The following CELF2 variants were observed in gnomAD, a reference collection of about 807,000 sequenced individuals.
The protein encoded by CELF2 is CUGBP Elav-like family member 2, also known as CUG triplet repeat RNA-binding protein 2.
In CELF2, 8 loss-of-function variants were observed where a neutral mutation model predicts 62.6. The ratio of observed to expected loss-of-function variants is 0.13; its 90% CI spans 0.07 to 0.23. The LOEUF (loss-of-function observed/expected upper bound fraction) is 0.23, where lower values mean the gene tolerates loss of function less well. Among genes scored for constraint, CELF2 ranks in the 10% least tolerant of loss-of-function variants. The probability of loss-of-function intolerance (pLI) is 1.00; values close to 1 mark genes in which losing one functional copy is unlikely to be tolerated. For missense variants in CELF2, 333 were observed against 671.0 expected (o/e 0.50, Z 5.56); for synonymous variants, 258 against 250.0 (o/e 1.03, Z -0.30).
chr10:11,159,526 T>A lies in CELF2; in HGVS notation c.75-5960T>A, dbSNP rs2065232798. On this transcript the variant is annotated intron_variant, in intron 1 of 12. Transcript: ENST00000633077. The surrounding 1 kb of genome is among the most constrained non-coding windows in gnomAD (Gnocchi z 5.0). The stretch of plus-strand genomic sequence containing the variant: ...GCATGGACAGGGCGCCTCCTGAGGG[T>A]AGGGCCTGAGTTTCTGATGTGTTCT... 6.6e-6 allele frequency among the ~76,000 whole-genome samples: 1 copy of A among 152,182 alleles called. No individual in the cohort carries two copies. The highest frequency in any genetic ancestry group is 2.1e-4 in the South Asian group (1 of 4,834).
In CELF2 at chr10:11,285,049, G is replaced by T. The variant is rs1205801452; in HGVS notation, c.842-3369G>T. Among the ~76,000 whole-genome samples the T allele has an allele frequency of 6.7e-6, 1 of 149,622 alleles. No individual in the cohort carries two copies. Among genetic ancestry groups the T allele is most frequent in the Non-Finnish European group, 1.5e-5 (1 of 67,434 alleles). Reference sequence around the variant, plus strand: ...GGATCTGTGGATGGATAATTAAGTGGATGGATGGATAGTTGGGTGGTTACG... The same window carrying T: ...GGATCTGTGGATGGATAATTAAGTGTATGGATGGATAGTTGGGTGGTTACG... On this transcript the variant is annotated intron_variant, in intron 8 of 12. Transcript: ENST00000633077. This position sits in a 1 kb window ranked among gnomAD's most constrained non-coding sequence, Gnocchi z 4.3.
At chr10:10,501,396 G>A in the CELF2 span, among the ~76,000 whole-genome samples, 52 of 152,112 alleles carry the variant, frequency 3.4e-4, no homozygotes, top group African/African-American at 6.5e-4. Flanking sequence ...TTTGACTTCC[G>A]CGTATCCTCT....
At chr10:11,017,726 G>A (rs2057464250), upstream of CELF2, among the ~76,000 whole-genome samples, 1 of 152,030 alleles carries the variant, frequency 6.6e-6, no homozygotes, top group South Asian at 2.1e-4. The surrounding 1 kb of genome is among the most constrained non-coding windows in gnomAD (Gnocchi z 5.5). Flanking sequence ...GGGGCCCAGG[G>A]GACCCTGAGA....
intron 1 of CELF2, among the ~76,000 whole-genome samples, chr10:11,027,520 CCTTT>C (rs1331124843): frequency 2.0e-5 from 3 of 149,648 alleles, no homozygotes; most frequent in Non-Finnish European, 3.0e-5. Context: ...ACAGAATTTA[CCTTT>C]CTTTCGGGAG....
chr10:10,927,351 A>AACAAAAAC (rs1554884927), intron 2 of CELF2: 15 of 137,694 alleles, frequency 1.1e-4, no homozygotes, highest in African/African-American at 2.5e-4. Flanking sequence ...GACATTAAAA[A>AACAAAAAC]AAAAAAAAAA....
At chr10:11,265,962 C>T (rs1268963027) in intron 5 of CELF2, among the ~76,000 whole-genome samples, 5 of 152,064 alleles carry the variant, frequency 3.3e-5, no homozygotes, top group Non-Finnish European at 7.4e-5. Context: ...AGTAATGGAG[C>T]ATTTGTTTTT....
Position 10,931,969 on chromosome 10 carries a change from T to A in CELF2, c.89+11970T>A, listed in dbSNP as rs558370542. Among the ~76,000 whole-genome samples the A allele has an allele frequency of 6.6e-6, 1 of 151,988 alleles. No individual in the cohort carries two copies. Among genetic ancestry groups the A allele is most frequent in the East Asian group, 1.9e-4 (1 of 5,170 alleles). On this transcript the variant is annotated intron_variant, in intron 2 of 13. Transcript: ENST00000636488. This position sits in a 1 kb window ranked among gnomAD's most constrained non-coding sequence, Gnocchi z 6.1. The stretch of plus-strand genomic sequence containing the variant: ...TTATAAAACCATCACATCTCATGAG[T>A]CTTATTCACTATCATGAGAACAGCA...
At chr10:11,168,910 C>G (rs1282667418) in intron 2 of CELF2, 1 of 152,272 alleles carries the variant, frequency 6.6e-6, no homozygotes, top group African/African-American at 2.4e-5. Flanking sequence ...TAAACTCTCT[C>G]CCACATGAGG....
At chr10:11,143,049 T>TG (rs1364773315) in intron 1 of CELF2, among the ~76,000 whole-genome samples, 3 of 151,704 alleles carry the variant, frequency 2.0e-5, no homozygotes, top group African/African-American at 7.3e-5. Context: ...CTCCCTCCAC[T>TG]GGGGGGACTC....
At chr10:10,929,042 A>T (rs1206184230) in intron 2 of CELF2, among the ~76,000 whole-genome samples, 1 of 152,224 alleles carries the variant, frequency 6.6e-6, no homozygotes, top group Non-Finnish European at 1.5e-5. Flanking sequence ...TCTCCTAAAG[A>T]ACCAGGGGTA....
intron 1 of CELF2, among the ~76,000 whole-genome samples, chr10:11,009,176 G>C (rs1181006412): frequency 6.6e-6 from 1 of 152,118 alleles, no homozygotes; most frequent in East Asian, 1.9e-4. Flanking sequence ...GCTGACATTG[G>C]AAAGAGAGTG....
At chr10:11,176,777 A>G (rs547461775) in intron 2 of CELF2, among the ~76,000 whole-genome samples, 21 of 152,298 alleles carry the variant, frequency 1.4e-4, no homozygotes, top group Admixed American at 3.9e-4. Context: ...GTAAACTACC[A>G]TCAACAAGGC....
At chr10:10,985,901 G>T (rs2052693427) in intron 2 of CELF2, among the ~76,000 whole-genome samples, 1 of 152,314 alleles carries the variant, frequency 6.6e-6, no homozygotes, top group Admixed American at 6.5e-5. Flanking sequence ...TCCAACCATA[G>T]AATAGGCATG....
intron 2 of CELF2, among the ~76,000 whole-genome samples, chr10:10,970,190 T>C (rs1341623120): frequency 6.6e-6 from 1 of 152,132 alleles, no homozygotes; most frequent in Non-Finnish European, 1.5e-5. Context: ...TGCCTCAGCC[T>C]CCCGAATAGC....
chr10:10,690,249 C>A, the CELF2 span, among the ~76,000 whole-genome samples: 13 of 152,116 alleles, frequency 8.5e-5, no homozygotes, highest in Non-Finnish European at 1.2e-4. Flanking sequence ...CATTATGATG[C>A]CCGAATTGCA....
chr10:10,966,758 T>C (rs1592518355), intron 2 of CELF2: 1 of 152,126 alleles, frequency 6.6e-6, no homozygotes, highest in African/African-American at 2.4e-5. Flanking sequence ...CTACAGTAAG[T>C]CAGTGAGTTC....
At chr10:11,130,045 T>C (rs1393882444) in intron 1 of CELF2, among the ~76,000 whole-genome samples, 1 of 152,244 alleles carries the variant, frequency 6.6e-6, no homozygotes, top group Non-Finnish European at 1.5e-5. Flanking sequence ...CTGCTTTAAA[T>C]GTGTCCCAGA....
chr10:11,199,913 G>A (rs1010657104), intron 2 of CELF2, among the ~76,000 whole-genome samples: 17 of 152,122 alleles, frequency 1.1e-4, no homozygotes, highest in African/African-American at 1.7e-4. Context: ...TTTCTCACCC[G>A]GGAGTTTTCC....
At chr10:10,596,846 G>C in the CELF2 span, among the ~76,000 whole-genome samples, 1 of 152,168 alleles carries the variant, frequency 6.6e-6, no homozygotes, top group Non-Finnish European at 1.5e-5. Context: ...TGGGGATGTG[G>C]GTTTTCACCC....
Sources: gnomAD v4.1 joint callset for allele counts (sites outside exome capture counted in the v4.1 genomes callset) on GRCh38, gnomAD v4.1.1 for gene constraint, Gnocchi (gnomAD v3.1) non-coding constraint, MANE v1.5 for transcripts, NCBI Gene and HGNC (gene_info 2026-07-23, HGNC 2026-07-21) for gene names.